CELF2: variants seen among roughly 807,000 people sequenced by gnomAD.
The protein encoded by CELF2 is CUG triplet repeat RNA-binding protein 2.
CELF2 carries 8 observed loss-of-function variants against 62.6 expected under a neutral mutation model. The observed-to-expected ratio is 0.13, with a 90% CI of 0.07 to 0.23. The LOEUF (loss-of-function observed/expected upper bound fraction) is 0.23. CELF2 is among the 10% of genes least tolerant of loss of function. The probability of loss-of-function intolerance (pLI) is 1.00; values close to 1 mark genes in which losing one functional copy is unlikely to be tolerated. For missense variants in CELF2, 333 were observed against 671.0 expected (o/e 0.50, Z 5.56); for synonymous variants, 258 against 250.0 (o/e 1.03, Z -0.30).
At chr10:10,489,786 T>C in the CELF2 span, among the ~76,000 whole-genome samples, 3 of 152,030 alleles carry the variant, frequency 2.0e-5, no homozygotes, top group African/African-American at 7.2e-5. Flanking sequence ...AGCAAAATGG[T>C]AAGATTTCAG....
chr10:10,970,187 G>C (rs1221014981), intron 2 of CELF2, among the ~76,000 whole-genome samples: 1 of 152,118 alleles, frequency 6.6e-6, no homozygotes, highest in Non-Finnish European at 1.5e-5. Flanking sequence ...TTCTGCCTCA[G>C]CCTCCCGAAT....
the CELF2 span, among the ~76,000 whole-genome samples, chr10:10,648,302 A>T: frequency 1.4e-4 from 22 of 152,284 alleles, no homozygotes; most frequent in African/African-American, 5.1e-4. Context: ...GATAGTCATT[A>T]ATGTAGCTCC....
chr10:10,500,658 C>G, the CELF2 span, among the ~76,000 whole-genome samples: 1 of 152,126 alleles, frequency 6.6e-6, no homozygotes, highest in African/African-American at 2.4e-5. Flanking sequence ...ATGTCTTTCT[C>G]AGCAGCATGA....
intron 1 of CELF2, among the ~76,000 whole-genome samples, chr10:10,844,963 C>T (rs1468449755): frequency 6.6e-6 from 1 of 152,106 alleles, no homozygotes; most frequent in Non-Finnish European, 1.5e-5. Flanking sequence ...GAATGACCAG[C>T]ATTTTCATTC....
At chr10:10,985,301 TC>T (rs1278713106) in intron 2 of CELF2, among the ~76,000 whole-genome samples, 2 of 151,834 alleles carry the variant, frequency 1.3e-5, no homozygotes, top group Non-Finnish European at 2.9e-5. Flanking sequence ...GGTTTCACTT[TC>T]TTTAACACCC....
intron 2 of CELF2, among the ~76,000 whole-genome samples, chr10:11,174,555 A>G (rs1020001426): frequency 9.2e-5 from 14 of 152,334 alleles, no homozygotes; most frequent in Admixed American, 3.3e-4. Context: ...TAATTTCTCT[A>G]TTTCTACTGG....
intron 1 of CELF2, among the ~76,000 whole-genome samples, chr10:10,832,978 T>G (rs2057994327): frequency 6.6e-6 from 1 of 151,716 alleles, no homozygotes; most frequent in Non-Finnish European, 1.5e-5. Context: ...CGACAATTTT[T>G]GAAGTTTTTG....
At chr10:11,234,023 GCT>G (rs2069983244) in intron 3 of CELF2, among the ~76,000 whole-genome samples, 1 of 152,164 alleles carries the variant, frequency 6.6e-6, no homozygotes, top group African/African-American at 2.4e-5. Context: ...TGAGATCCAC[GCT>G]CTATACTGTG....
In CELF2 at chr10:11,307,320, G is replaced by T. The variant is rs545576117; in HGVS notation, c.977-6819G>T. 8.5e-5 allele frequency among the ~76,000 whole-genome samples: 13 copies of T among 152,338 alleles called. No individual in the cohort carries two copies. In the East Asian group the frequency reaches 1.9e-3, roughly 23 times the overall value. On this transcript the variant is annotated intron_variant, in intron 9 of 12. Coordinates refer to ENST00000633077, the MANE Select transcript of CELF2 (RefSeq NM_001326342.2). ...GTGTGGACATCATAGGAAGAGAAAG[G>T]TTACAGCCTGGCATACAGGGCCCTC...
intron 2 of CELF2, among the ~76,000 whole-genome samples, chr10:10,924,453 A>G (rs2065253912): frequency 6.6e-6 from 1 of 152,200 alleles, no homozygotes; most frequent in Admixed American, 6.5e-5. Flanking sequence ...TTAGAAAATG[A>G]AGGGATATAA....
At chr10:11,088,219 G>A (rs556501725) in intron 1 of CELF2, among the ~76,000 whole-genome samples, 1 of 152,338 alleles carries the variant, frequency 6.6e-6, no homozygotes, top group South Asian at 2.1e-4. Context: ...AAGGAGGCAC[G>A]AATTTGTACC....
chr10:11,298,686 G>C (rs886898553), intron 9 of CELF2, among the ~76,000 whole-genome samples: 1 of 152,040 alleles, frequency 6.6e-6, no homozygotes, highest in African/African-American at 2.4e-5. Flanking sequence ...GAAACATTGA[G>C]GTTTATATAT....
intron 2 of CELF2, among the ~76,000 whole-genome samples, chr10:10,963,051 T>C (rs370633590): frequency 1.5e-5 from 2 of 137,392 alleles, no homozygotes; most frequent in Non-Finnish European, 3.1e-5. Flanking sequence ...TTTGTTTTGT[T>C]TTGTTTTGTG....
In CELF2 at chr10:11,328,475, C is replaced by T. The variant is rs929975826; in HGVS notation, c.1439-451C>T. ...TCCAGCCCTTCCCTTCCCGAGCCTG[C>T]CTGTTGGCCTCACCTGGCTGGGACA... On this transcript the variant is annotated intron_variant, in intron 12 of 12. Transcript: ENST00000633077. This position sits in a 1 kb window ranked among gnomAD's most constrained non-coding sequence, Gnocchi z 6.4. Among the ~76,000 whole-genome samples, 2 of 152,204 alleles carry T rather than the reference C, an allele frequency of 1.3e-5. No homozygotes were observed. Among genetic ancestry groups the T allele is most frequent in the African/African-American group, 4.8e-5 (2 of 41,448 alleles).
Position 11,328,993 on chromosome 10 carries a change from C to A in CELF2, c.1506C>A (p.Ile502=). The change falls in exon 13 of 13, where the codon ATC becomes ATA. Residue 502 remains isoleucine (I), a synonymous_variant. Coordinates refer to ENST00000633077, the MANE Select transcript of CELF2 (RefSeq NM_001326342.2). This position sits in a 1 kb window ranked among gnomAD's most constrained non-coding sequence, Gnocchi z 6.4. ...AAIQAMNGFQ[I]GMKRLKVQLK... ...TCCAAGCTATGAATGGCTTTCAGAT[C>A]GGCATGAAACGCTTGAAGGTGCAGC... 3 of 1,613,618 alleles carry A rather than the reference C, an allele frequency of 1.9e-6. No individual in the cohort carries two copies. The highest frequency in any genetic ancestry group is 1.7e-6 in the Non-Finnish European group (2 of 1,179,684).
chr10:10,738,716 C>A, the CELF2 span, among the ~76,000 whole-genome samples: 1 of 152,136 alleles, frequency 6.6e-6, no homozygotes, highest in Admixed American at 6.6e-5. Flanking sequence ...TTCTTAAAAT[C>A]TTCAAGGTCA....
Position 10,934,488 on chromosome 10 carries a change from T to C in CELF2, c.89+14489T>C, listed in dbSNP as rs1331369358. On this transcript the variant is annotated intron_variant, in intron 2 of 13. Coordinates refer to the CELF2 transcript ENST00000636488. This position sits in a 1 kb window ranked among gnomAD's most constrained non-coding sequence, Gnocchi z 4.4. ...GGTGCATGAACAAGACTGCTCATTG[T>C]AGAAACAAAAACGAAATAGTTGATT... The C allele has an allele frequency of 5.3e-5, 8 of 152,218 alleles. No homozygotes were observed. The East Asian group carries it at 1.5e-3, about 29-fold the overall frequency. The allele number at this position is 152,218 out of a possible 1,614,324, so 9.4% of individuals were successfully genotyped here.
At chr10:10,865,202 T>C (rs2060280074) in intron 1 of CELF2, among the ~76,000 whole-genome samples, 1 of 152,168 alleles carries the variant, frequency 6.6e-6, no homozygotes, top group African/African-American at 2.4e-5. Flanking sequence ...TGCTTCCTAT[T>C]GTATTTAAGG....
chr10:10,568,559 A>G, the CELF2 span, among the ~76,000 whole-genome samples: 3 of 152,204 alleles, frequency 2.0e-5, no homozygotes, highest in African/African-American at 2.4e-5. Context: ...AGAGGAGCCA[A>G]GATATAATGG....
Sources: gnomAD v4.1 joint callset for allele counts (sites outside exome capture counted in the v4.1 genomes callset) on GRCh38, gnomAD v4.1.1 for gene constraint, Gnocchi (gnomAD v3.1) non-coding constraint, MANE v1.5 for transcripts, NCBI Gene and HGNC (gene_info 2026-07-23, HGNC 2026-07-21) for gene names.